The following UACA variants were observed in gnomAD, a reference collection of about 807,000 sequenced individuals.
UACA encodes uveal autoantigen with coiled-coil domains and ankyrin repeats.
UACA carries 112 observed loss-of-function variants against 160.5 expected under a neutral mutation model. That is an observed-to-expected ratio of 0.70 (90% CI 0.60 to 0.82). The LOEUF is 0.82. Among genes scored for constraint, UACA ranks in the 40% least tolerant of loss-of-function variants. The probability of loss-of-function intolerance (pLI) is 0.00; values close to 1 mark genes in which losing one functional copy is unlikely to be tolerated. For missense variants in UACA, 1,574 were observed against 1,614.6 expected, an observed-to-expected ratio of 0.97 and a Z score of 0.43; for synonymous variants, 557 against 568.4, an observed-to-expected ratio of 0.98 and a Z score of 0.29.
At chr15:70,660,284 C>A in intron 17 of UACA, 68 bp from the exon 18 acceptor site, 1 of 1,314,454 alleles carries the variant, frequency 7.6e-7, no homozygotes, top group South Asian at 1.2e-5. Flanking sequence ...GGACAATGCT[C>A]AGGCTTCATG....
intron 1 of UACA, among the ~76,000 whole-genome samples, chr15:70,719,051 G>A (rs1385875610): frequency 6.6e-6 from 1 of 151,094 alleles, no homozygotes; most frequent in Non-Finnish European, 1.5e-5. Context: ...GGAAGGAAGG[G>A]TAGAAAGAAG....
At chr15:70,693,947 T>C (rs1898033378) in intron 3 of UACA, among the ~76,000 whole-genome samples, 1 of 152,206 alleles carries the variant, frequency 6.6e-6, no homozygotes, top group South Asian at 2.1e-4. Flanking sequence ...TCTTAGAATC[T>C]GATGTATTCT....
At chr15:70,695,198 A>G (rs1898086454) in intron 2 of UACA, 93 bp from the exon 3 acceptor site, 2 of 745,476 alleles carry the variant, frequency 2.7e-6, no homozygotes, top group Non-Finnish European at 2.1e-6. Flanking sequence ...ACACACACAC[A>G]CGCACACAAA....
chr15:70,764,429 C>T (rs111913443), upstream of UACA, among the ~76,000 whole-genome samples: 155 of 152,304 alleles, frequency 1.0e-3, 1 homozygote, highest in African/African-American at 3.3e-3. Flanking sequence ...CAGGAAGGTG[C>T]TCAGCACCCA....
chr15:70,683,689 G>A (rs1329305406), intron 8 of UACA, among the ~76,000 whole-genome samples: 1 of 151,738 alleles, frequency 6.6e-6, no homozygotes, highest in Admixed American at 6.6e-5. Context: ...TTCAAAATAG[G>A]TTACATAAAA....
At chr15:70,689,483 C>T (rs1167338623) in intron 5 of UACA, among the ~76,000 whole-genome samples, 2 of 151,434 alleles carry the variant, frequency 1.3e-5, no homozygotes, top group East Asian at 3.9e-4. Context: ...ACAGTAATAC[C>T]CTTCTATATT....
At chr15:70,758,150 T>C (rs2030539650) in intron 1 of UACA, 2 of 152,212 alleles carry the variant, frequency 1.3e-5, no homozygotes, top group Non-Finnish European at 2.9e-5. Flanking sequence ...CCTGGACTCA[T>C]TATGCACCAA....
chr15:70,722,362 G>A (rs879813351), intron 1 of UACA, among the ~76,000 whole-genome samples: 1 of 151,386 alleles, frequency 6.6e-6, no homozygotes, highest in Non-Finnish European at 1.5e-5. Flanking sequence ...GTGTTGCCCA[G>A]TCTGGAGTGC....
At chr15:70,756,007 A>G (rs2030405806) in intron 1 of UACA, among the ~76,000 whole-genome samples, 1 of 152,192 alleles carries the variant, frequency 6.6e-6, no homozygotes, top group African/African-American at 2.4e-5. Flanking sequence ...ACCGACTTCT[A>G]TAATAACTGT....
chr15:70,664,793 C>T lies in UACA; in HGVS notation c.3982G>A (p.Val1328Met), dbSNP rs765832322. The T allele has an allele frequency of 1.2e-6, 2 of 1,612,398 alleles. No individual in the cohort carries two copies. The highest frequency in any genetic ancestry group is 1.7e-5 in the Admixed American group (1 of 59,650). ...DNKITELLND[V>M]ERLKQALNGL... ...TTGAGTGCCTGTTTTAATCTTTCCA[C>T]ATCATTAAGCAGTTCAGTTATCTTT... Residue 1328 changes from valine to methionine, a missense_variant, in exon 17 of 19, where the codon GTG (valine) becomes ATG (methionine). Physicochemically the swap from Val to Met is conservative, Grantham distance 21. Transcript: ENST00000322954.
chr15:70,703,344 C>A, intron 1 of UACA: 1 of 1,178,706 alleles, frequency 8.5e-7, no homozygotes, highest in Non-Finnish European at 1.1e-6. Flanking sequence ...ATAGATCATG[C>A]TGCCAGTTAA....
chr15:70,737,191 T>C (rs1899395587), intron 1 of UACA, among the ~76,000 whole-genome samples: 1 of 152,176 alleles, frequency 6.6e-6, no homozygotes, highest in Non-Finnish European at 1.5e-5. Flanking sequence ...ACCAAATGTC[T>C]TAGGAAATTT....
chr15:70,660,432 C>T (rs1249288008), intron 17 of UACA: 5 of 511,594 alleles, frequency 9.8e-6, no homozygotes, highest in Non-Finnish European at 1.7e-5. Context: ...AGTAATGCTA[C>T]TTTCCCTAAG....
intron 2 of UACA, among the ~76,000 whole-genome samples, chr15:70,696,850 G>A (rs1176815648): frequency 1.3e-5 from 2 of 152,176 alleles, no homozygotes; most frequent in Non-Finnish European, 2.9e-5. Context: ...CACAAAATGT[G>A]GAAGACCTCT....
Position 70,669,108 on chromosome 15 carries a change from G to A in UACA, c.1576C>T (p.His526Tyr). 6 of 1,614,020 alleles carry A rather than the reference G, an allele frequency of 3.7e-6. No individual in the cohort carries two copies. The highest frequency in any genetic ancestry group is 5.1e-6 in the Non-Finnish European group (6 of 1,179,978). The change falls in exon 16 of 19, where the codon CAC becomes TAC. Residue 526 changes from histidine (H) to tyrosine (Y), a missense_variant. Coordinates refer to ENST00000322954, the MANE Select transcript of UACA (RefSeq NM_018003.4). ...MQTHFLALKE[H>Y]LTSEAASGNH... ...CCTGAGGCTGCTTCACTTGTTAAGT[G>A]TTCTTTAAGGGCAAGAAAATGGGTC...
intron 18 of UACA, among the ~76,000 whole-genome samples, chr15:70,658,918 G>A (rs1896578203): frequency 6.6e-6 from 1 of 152,196 alleles, no homozygotes; most frequent in Non-Finnish European, 1.5e-5. Flanking sequence ...CTTTTGTTAT[G>A]TTTCATTAGG....
At chr15:70,692,484 T>C (rs59368277) in intron 3 of UACA, among the ~76,000 whole-genome samples, 1 of 152,178 alleles carries the variant, frequency 6.6e-6, no homozygotes, top group South Asian at 2.1e-4. Flanking sequence ...AAAATATAAT[T>C]TGGGGGCCGG....
chr15:70,758,345 G>A (rs573553056), intron 1 of UACA: 1 of 152,328 alleles, frequency 6.6e-6, no homozygotes, highest in South Asian at 2.1e-4. Flanking sequence ...ACCATAGGAA[G>A]TTGTCTGAAT....
In UACA at chr15:70,763,541, C is replaced by G. The variant is rs2030912088; in HGVS notation, c.-134G>C. 4 of 1,244,370 alleles carry G rather than the reference C, an allele frequency of 3.2e-6. No homozygotes were observed. Among genetic ancestry groups the G allele is most frequent in the Non-Finnish European group, 4.0e-6 (4 of 990,782 alleles). The allele number at this position is 1,244,370 out of a possible 1,614,324, so 77.1% of individuals were successfully genotyped here. On this transcript the variant is annotated 5_prime_UTR_variant, in exon 1 of 19. Transcript: ENST00000322954. ...CCACCTGCCTGCCACCTGCGGGCCCCGGGCAGCAGACGTCGACAGGCCTGA... is the reference window on the plus strand; with the variant it reads ...CCACCTGCCTGCCACCTGCGGGCCCGGGGCAGCAGACGTCGACAGGCCTGA...
Sources: allele counts gnomAD v4.1 joint callset (sites outside exome capture counted in the v4.1 genomes callset), GRCh38; gene constraint gnomAD v4.1.1; transcripts MANE v1.5; gene names NCBI Gene and HGNC (gene_info 2026-07-23, HGNC 2026-07-21).